The following ADCY6 variants were observed in gnomAD, a reference collection of about 807,000 sequenced individuals.
ADCY6 encodes adenylate cyclase 6.
A neutral mutation model predicts 111.6 loss-of-function variants in ADCY6; 59 were observed. The ratio of observed to expected loss-of-function variants is 0.53; its 90% CI spans 0.43 to 0.66. The LOEUF is 0.66. ADCY6 is among the 30% of genes least tolerant of loss of function. The pLI, the probability that ADCY6 is intolerant of heterozygous loss-of-function variation, is 0.00. For synonymous variants in ADCY6, 576 were observed against 642.9 expected, an observed-to-expected ratio of 0.90 and a Z score of 1.57; for missense variants, 1,242 against 1,595.6, an observed-to-expected ratio of 0.78 and a Z score of 3.78.
At position 48,779,024 on chromosome 12, in the gene ADCY6, C is replaced by T. The variant is rs186674363; in HGVS notation, c.865-767G>A. Among the ~76,000 whole-genome samples, 289 of 151,816 alleles carry T rather than the reference C, an allele frequency of 1.9e-3. 1 individual carries two copies. Among genetic ancestry groups the T allele is most frequent in the Middle Eastern group, 6.8e-3 (2 of 294 alleles). On this transcript the variant is annotated intron_variant, in intron 2 of 21. Transcript: ENST00000357869. ...TCCAGAGTAGCTGGGATTACAGCCACCTGCCACCATGACTGGCTAATTTTT... is the reference window on the plus strand; with the variant it reads ...TCCAGAGTAGCTGGGATTACAGCCATCTGCCACCATGACTGGCTAATTTTT...
At position 48,768,463 on chromosome 12, in the gene ADCY6, G is replaced by A; in HGVS notation, c.*128C>T. On this transcript the variant is annotated 3_prime_UTR_variant, in exon 22 of 22. Coordinates refer to ENST00000357869, the MANE Select transcript of ADCY6 (RefSeq NM_015270.5). ...AGCATGATCCAAGCACAGCCTGCTG[G>A]GATGTTCCCTTTTGTGGTTAGCAGG... 7 of 1,358,228 alleles carry A rather than the reference G, an allele frequency of 5.2e-6. No homozygotes were observed. The highest frequency in any genetic ancestry group is 7.3e-6 in the Non-Finnish European group (7 of 963,530). 84.1% of individuals were successfully genotyped at this position (1,358,228 alleles called of 1,614,324 possible).
intron 21 of ADCY6, 107 bp downstream of exon 21, chr12:48,768,830 T>C: frequency 6.4e-7 from 1 of 1,550,604 alleles, no homozygotes; most frequent in South Asian, 1.2e-5. Context: ...TGCCCCACCA[T>C]ACACAGAACA....
Position 48,772,275 on chromosome 12 carries a change from C to T in ADCY6, c.2787+20G>A, listed in dbSNP as rs759941976. 6.3e-6 allele frequency: 10 copies of T among 1,599,264 alleles called. No individual in the cohort carries two copies. In the Admixed American group the frequency reaches 1.7e-4, roughly 28 times the overall value. ...CCGCCCCTAGGTTCCTCCTCTTCCC[C>T]CAAAGGCCCACACAGTCACCTGTAG... is the stretch of plus-strand genomic sequence containing the variant. On this transcript the variant is annotated intron_variant, in intron 18 of 21. Transcript: ENST00000357869.
Position 48,783,215 on chromosome 12 carries a change from C to T in ADCY6, c.220G>A (p.Gly74Ser). The stretch of plus-strand genomic sequence containing the variant: ...AGCTCCTTGCCCTTGCCTGGGCCGC[C>T]CCTCCGGATGAAGGCGTCATCCTGC... Reference protein sequence around the residue: ...PWQDDAFIRRGGPGKGKELGL... With the variant: ...PWQDDAFIRRSGPGKGKELGL... Residue 74 changes from glycine to serine, a missense_variant, in exon 2 of 22, where the codon GGC becomes AGC. Coordinates refer to ENST00000357869, the MANE Select transcript of ADCY6 (RefSeq NM_015270.5). 6.2e-7 allele frequency: 1 copy of T among 1,607,696 alleles called. No individual in the cohort carries two copies. Among genetic ancestry groups the T allele is most frequent in the Non-Finnish European group, 8.5e-7 (1 of 1,179,628 alleles).
chr12:48,776,929 G>T lies in ADCY6; in HGVS notation c.1376+175C>A, dbSNP rs764196575. On this transcript the variant is annotated intron_variant, in intron 6 of 21. Transcript: ENST00000357869. This position sits in a 1 kb window ranked among gnomAD's most constrained non-coding sequence, Gnocchi z 6.1. The stretch of plus-strand genomic sequence containing the variant: ...CCCATCTCGGCTGGCTGGGAGTCTA[G>T]GGGTCCGCATGGGTCTTTGCACAGG... Among the ~76,000 whole-genome samples, 7 of 152,182 alleles carry T rather than the reference G, an allele frequency of 4.6e-5. No individual in the cohort carries two copies. The highest frequency in any genetic ancestry group is 1.0e-4 in the Non-Finnish European group (7 of 68,022).
chr12:48,768,281 G>C lies in ADCY6; in HGVS notation c.*310C>G. The C allele has an allele frequency of 2.2e-6, 1 of 448,930 alleles. No homozygotes were observed. The highest frequency in any genetic ancestry group is 2.4e-5 in the South Asian group (1 of 42,552). 27.8% of individuals were successfully genotyped at this position (448,930 alleles called of 1,614,324 possible). A position where few individuals can be genotyped will look rare whatever the true frequency, so the allele number is the denominator to read the frequency against. ...GGCAAGCTGCCATTTTAATCCCTCA[G>C]GCAAGAGGCCTCCCTCTGCTTCTGC... On this transcript the variant is annotated 3_prime_UTR_variant, in exon 22 of 22. Coordinates refer to ENST00000357869, the MANE Select transcript of ADCY6 (RefSeq NM_015270.5).
Position 48,771,424 on chromosome 12 carries a change from C to T in ADCY6, c.3051+286G>A. On this transcript the variant is annotated intron_variant, in intron 19 of 21. Transcript: ENST00000357869. This position sits in a 1 kb window ranked among gnomAD's most constrained non-coding sequence, Gnocchi z 4.3. Reference sequence around the variant, plus strand: ...TGAGGTTCTGTCCACAGACTATTGCCTTCTTCTTCAGTGACATCCACCTGG... The same window carrying T: ...TGAGGTTCTGTCCACAGACTATTGCTTTCTTCTTCAGTGACATCCACCTGG... 2 of 554,974 alleles carry T rather than the reference C, an allele frequency of 3.6e-6. No individual in the cohort carries two copies. The highest frequency in any genetic ancestry group is 2.9e-4 in the Middle Eastern group (1 of 3,404). 34.4% of individuals were successfully genotyped at this position (554,974 alleles called of 1,614,324 possible). A position where few individuals can be genotyped will look rare whatever the true frequency, so the allele number is the denominator to read the frequency against.
chr12:48,768,823 C>T (rs1941444243), intron 21 of ADCY6, 107 bp from the exon 22 acceptor site: 1 of 1,553,450 alleles, frequency 6.4e-7, no homozygotes, highest in South Asian at 1.2e-5. Context: ...CAGTCCCTGC[C>T]CCACCATACA....
At position 48,777,744 on chromosome 12, in the gene ADCY6, A is replaced by G; in HGVS notation, c.1015-8T>C. The G allele has an allele frequency of 6.2e-7, 1 of 1,613,942 alleles. No homozygotes were observed. Among genetic ancestry groups the G allele is most frequent in the Non-Finnish European group, 8.5e-7 (1 of 1,179,952 alleles). On this transcript the variant is annotated splice_region_variant and splice_polypyrimidine_tract_variant and intron_variant, in intron 3 of 21. Transcript: ENST00000357869. The surrounding 1 kb of genome is among the most constrained non-coding windows in gnomAD (Gnocchi z 4.9). ...CGACAGCAGCAGCCGCTCCTAGCCC[A>G]GTGGTTCCAATAGGGCATCACTATA...
rs567362616 is a variant in ADCY6, at chr12:48,786,481, G to A, written c.-5+2425C>T. On this transcript the variant is annotated intron_variant, in intron 1 of 21. Coordinates refer to ENST00000357869, the MANE Select transcript of ADCY6 (RefSeq NM_015270.5). Reference sequence around the variant, plus strand: ...TCCTGGGTTCAAGCAATTCTGCCTCGGCTTCCCCATAGCTGAGATTACAAG... The same window carrying A: ...TCCTGGGTTCAAGCAATTCTGCCTCAGCTTCCCCATAGCTGAGATTACAAG... 1.8e-4 allele frequency among the ~76,000 whole-genome samples: 27 copies of A among 152,062 alleles called. No individual in the cohort carries two copies. The East Asian group carries it at 4.4e-3, about 25-fold the overall frequency.
chr12:48,773,225 T>C (rs1254345274), intron 16 of ADCY6, among the ~76,000 whole-genome samples: 3 of 151,874 alleles, frequency 2.0e-5, no homozygotes, highest in Non-Finnish European at 2.9e-5. Context: ...ACCATGCAAA[T>C]GTAAGAGGGA....
At position 48,788,961 on chromosome 12, in the gene ADCY6, T is replaced by G; in HGVS notation, c.-60A>C. ...CCCCCGCCCCGCCGCCCCCGCGGGC[T>G]CCGGCCGGCCGGCCGGCCGTCCCGC... On this transcript the variant is annotated 5_prime_UTR_variant, in exon 1 of 22. Transcript: ENST00000357869. The G allele has an allele frequency of 1.0e-5, 1 of 95,802 alleles. No individual in the cohort carries two copies. The highest frequency in any genetic ancestry group is 4.0e-5 in the African/African-American group (1 of 24,862). 5.9% of individuals were successfully genotyped at this position (95,802 alleles called of 1,614,324 possible).
chr12:48,787,581 C>A (rs1453680232), intron 1 of ADCY6, among the ~76,000 whole-genome samples: 1 of 152,184 alleles, frequency 6.6e-6, no homozygotes, highest in Non-Finnish European at 1.5e-5. Flanking sequence ...GAGCACTGTT[C>A]CAAGCCACAA....
At chr12:48,780,512 C>T (rs888560254) in intron 2 of ADCY6, among the ~76,000 whole-genome samples, 2 of 152,218 alleles carry the variant, frequency 1.3e-5, no homozygotes, top group African/African-American at 2.4e-5. Flanking sequence ...CAGTGAATTT[C>T]GCCACTGCCC....
Position 48,776,481 on chromosome 12 carries a change from C to T in ADCY6, c.1482G>A (p.Val494=). The T allele has an allele frequency of 6.2e-7, 1 of 1,613,952 alleles. No homozygotes were observed. The highest frequency in any genetic ancestry group is 1.1e-5 in the South Asian group (1 of 91,074). ...TGGCCAGGGTCACATCATTGGACCACACATCGAACTGCCATTTCCGCAAGC... is the reference window on the plus strand; with the variant it reads ...TGGCCAGGGTCACATCATTGGACCATACATCGAACTGCCATTTCCGCAAGC... ...VLGLRKWQFD[V]WSNDVTLANH... The change falls in exon 7 of 22, where the codon GTG becomes GTA. Residue 494 remains valine, a synonymous_variant. Transcript: ENST00000357869. This position sits in a 1 kb window ranked among gnomAD's most constrained non-coding sequence, Gnocchi z 6.1.
chr12:48,788,359 G>A (rs1034729544), intron 1 of ADCY6, among the ~76,000 whole-genome samples: 13 of 152,152 alleles, frequency 8.5e-5, no homozygotes, highest in Non-Finnish European at 1.9e-4. Flanking sequence ...TAGCCTTTCA[G>A]TCGAGCCCCA....
chr12:48,776,626 C>T lies in ADCY6; in HGVS notation c.1377-40G>A. On this transcript the variant is annotated intron_variant, in intron 6 of 21. Transcript: ENST00000357869. This position sits in a 1 kb window ranked among gnomAD's most constrained non-coding sequence, Gnocchi z 6.1. ...CCCCAGATCAGCTCCTGGCAGTCTT[C>T]CCCTCCCCCAGCCCACAACCCAGGC... 1.9e-6 allele frequency: 3 copies of T among 1,575,452 alleles called. No homozygotes were observed. The highest frequency in any genetic ancestry group is 4.5e-5 in the East Asian group (2 of 44,644).
In ADCY6 at chr12:48,777,375, C is replaced by T. The variant is rs759011924; in HGVS notation, c.1248+35G>A. On this transcript the variant is annotated intron_variant, in intron 5 of 21. Transcript: ENST00000357869. This position sits in a 1 kb window ranked among gnomAD's most constrained non-coding sequence, Gnocchi z 4.9. ...AAAGCTATGCTCTCACCACGGTCAA[C>T]ACCCAGGCCCAATCCCAAGGCCCAG... The T allele has an allele frequency of 7.5e-6, 12 of 1,610,196 alleles. No homozygotes were observed. Among genetic ancestry groups the T allele is most frequent in the Non-Finnish European group, 1.0e-5 (12 of 1,176,814 alleles).
Position 48,782,879 on chromosome 12 carries a change from A to C in ADCY6, c.556T>G (p.Cys186Gly). The C allele has an allele frequency of 6.2e-7, 1 of 1,613,994 alleles. No homozygotes were observed. Among genetic ancestry groups the C allele is most frequent in the Non-Finnish European group, 8.5e-7 (1 of 1,179,948 alleles). ...PQPAYVALLA[C>G]AAALFVGLMV... ...AGCCCCACGAACAGGGCGGCGGCAC[A>C]GGCCAACAGTGCCACATAGGCAGGC... The change falls in exon 2 of 22, where the codon TGT becomes GGT. Residue 186 changes from cysteine to glycine, a missense_variant. By Grantham distance (159) the Cys-to-Gly change is radical (BLOSUM62 -3). Coordinates refer to ENST00000357869, the MANE Select transcript of ADCY6 (RefSeq NM_015270.5). The surrounding 1 kb of genome is among the most constrained non-coding windows in gnomAD (Gnocchi z 4.3).
Sources: gnomAD v4.1 joint callset for allele counts (sites outside exome capture counted in the v4.1 genomes callset) on GRCh38, gnomAD v4.1.1 for gene constraint, Gnocchi (gnomAD v3.1) non-coding constraint, MANE v1.5 for transcripts, NCBI Gene and HGNC (gene_info 2026-07-23, HGNC 2026-07-21) for gene names.